The following SLC2A9 variants were observed in gnomAD, a reference collection of about 807,000 sequenced individuals.
The protein encoded by SLC2A9 is solute carrier family 2 member 9.
In SLC2A9, 39 loss-of-function variants were observed where a neutral mutation model predicts 50.6. The ratio of observed to expected loss-of-function variants is 0.77; its 90% CI spans 0.60 to 1.01. The LOEUF is 1.01. Ranked by LOEUF, SLC2A9 falls within the 50% of genes least tolerant of loss-of-function variation. The probability of loss-of-function intolerance (pLI) is 0.00; values close to 1 mark genes in which losing one functional copy is unlikely to be tolerated. For synonymous variants in SLC2A9, 324 were observed against 276.9 expected (o/e 1.17, Z -1.69); for missense variants, 686 against 677.6 (o/e 1.01, Z -0.14).
intron 8 of SLC2A9, among the ~76,000 whole-genome samples, chr4:9,900,769 C>T (rs965758343): frequency 1.1e-4 from 17 of 152,134 alleles, no homozygotes; most frequent in Admixed American, 9.8e-4. Flanking sequence ...CAAACTCATC[C>T]TTCTTCATGT....
At chr4:9,802,601 G>A (rs28528381) in intron 3 of SLC2A9, among the ~76,000 whole-genome samples, 17,749 of 133,776 alleles carry the variant, frequency 0.13, 1,140 homozygotes, top group Middle Eastern at 0.19. Context: ...CACTCTTGTC[G>A]CCCAGGCTGG....
rs573249071 is a variant in SLC2A9 at position 9,998,975 on chromosome 4, C to T, written c.250-2034G>A. On this transcript the variant is annotated intron_variant, in intron 2 of 11. Transcript: ENST00000264784. Reference sequence around the variant, plus strand: ...AATTTTTTGGAGAATTATATATAGACGGTAAAACTACAAAGAAAGAATTAT... The same window carrying T: ...AATTTTTTGGAGAATTATATATAGATGGTAAAACTACAAAGAAAGAATTAT... Among the ~76,000 whole-genome samples, 28 of 151,194 alleles carry T rather than the reference C, an allele frequency of 1.9e-4. No homozygotes were observed. The South Asian group carries it at 3.1e-3, about 17-fold the overall frequency.
chr4:10,027,562 C>T (rs1396558743), intron 1 of SLC2A9, among the ~76,000 whole-genome samples: 1 of 152,092 alleles, frequency 6.6e-6, no homozygotes, highest in Non-Finnish European at 1.5e-5. Flanking sequence ...CCGGCATCTT[C>T]AGTGAGGTTG....
intron 4 of SLC2A9, among the ~76,000 whole-genome samples, chr4:9,984,928 C>T (rs1467758344): frequency 6.6e-6 from 1 of 152,208 alleles, no homozygotes; most frequent in African/African-American, 2.4e-5. Flanking sequence ...CCCAGCTCCT[C>T]TTTGGCGTCA....
chr4:9,899,708 G>C (rs1216586533), intron 8 of SLC2A9, among the ~76,000 whole-genome samples: 1 of 152,176 alleles, frequency 6.6e-6, no homozygotes, highest in Non-Finnish European at 1.5e-5. Context: ...TGAGAGTTGT[G>C]TTTTAAATAA....
rs139352439 is a variant in SLC2A9 at position 9,888,047 on chromosome 4, A to G, written c.1216-405T>C. Among the ~76,000 whole-genome samples, 522 of 147,962 alleles carry G rather than the reference A, an allele frequency of 3.5e-3. 3 individuals carry two copies. Among genetic ancestry groups the G allele is most frequent in the African/African-American group, 0.012 (496 of 39,768 alleles). On this transcript the variant is annotated intron_variant, in intron 9 of 11. Transcript: ENST00000264784. The stretch of plus-strand genomic sequence containing the variant: ...AAACCAAACCCCACATGTCTCACTC[A>G]TAAGTGGGAGTTGAACAATGAGAAC...
intron 11 of SLC2A9, 57 bp downstream of exon 11, chr4:9,834,824 C>A (rs1038424530): frequency 1.2e-6 from 2 of 1,612,630 alleles, no homozygotes; most frequent in African/African-American, 2.7e-5. Flanking sequence ...AATCACCCCT[C>A]AAGTGCTGCA....
intron 3 of SLC2A9, among the ~76,000 whole-genome samples, chr4:9,788,616 G>A (rs1719518401): frequency 6.6e-6 from 1 of 152,062 alleles, no homozygotes; most frequent in Non-Finnish European, 1.5e-5. Flanking sequence ...TTAACACAAT[G>A]CTCAGTCTAG....
intron 3 of SLC2A9, among the ~76,000 whole-genome samples, chr4:9,818,930 G>T (rs1190018418): frequency 6.6e-6 from 1 of 151,816 alleles, no homozygotes; most frequent in Non-Finnish European, 1.5e-5. Context: ...AGACCATCCT[G>T]GCTAACACAG....
At chr4:9,926,661 T>C (rs1279399099) in intron 6 of SLC2A9, among the ~76,000 whole-genome samples, 1 of 152,032 alleles carries the variant, frequency 6.6e-6, no homozygotes, top group African/African-American at 2.4e-5. Flanking sequence ...GTGGGTTGAA[T>C]TGTGTCTTCA....
At chr4:9,816,806 C>T (rs1215360723) in intron 3 of SLC2A9, among the ~76,000 whole-genome samples, 2 of 149,780 alleles carry the variant, frequency 1.3e-5, no homozygotes, top group African/African-American at 2.5e-5. Context: ...TATTTCAACA[C>T]AAAAAGTTAA....
intron 2 of SLC2A9, among the ~76,000 whole-genome samples, chr4:10,002,996 G>A (rs1352220576): frequency 3.3e-5 from 5 of 152,210 alleles, no homozygotes; most frequent in East Asian, 1.9e-4. Context: ...ATTGCTAAGC[G>A]CAAGGATTAG....
chr4:9,778,010 A>C (rs1372940466), downstream of SLC2A9, among the ~76,000 whole-genome samples: 1 of 152,008 alleles, frequency 6.6e-6, no homozygotes, highest in African/African-American at 2.4e-5. Context: ...TCAAACTGAA[A>C]TGTTTTACTT....
intron 6 of SLC2A9, among the ~76,000 whole-genome samples, chr4:9,937,310 TG>T (rs1412938475): frequency 1.3e-5 from 2 of 152,188 alleles, no homozygotes. Context: ...CGCCCCTTTT[TG>T]GCCCTTGGGT....
At chr4:9,862,595 T>C (rs988500321) in intron 10 of SLC2A9, among the ~76,000 whole-genome samples, 1 of 152,176 alleles carries the variant, frequency 6.6e-6, no homozygotes, top group South Asian at 2.1e-4. Flanking sequence ...CAGCCTTTCC[T>C]GAGCCTTCCA....
chr4:9,927,066 G>A (rs1361298702), intron 6 of SLC2A9, among the ~76,000 whole-genome samples: 1 of 132,130 alleles, frequency 7.6e-6, no homozygotes, highest in Non-Finnish European at 1.6e-5. Context: ...TTCCGTTCTT[G>A]TTGCCCAGAC....
chr4:9,853,925 T>C (rs997876827), intron 10 of SLC2A9, among the ~76,000 whole-genome samples: 48 of 151,562 alleles, frequency 3.2e-4, no homozygotes, highest in African/African-American at 1.1e-3. Context: ...AAGGCAAAAA[T>C]AAAGAAATTG....
Position 10,029,537 on chromosome 4 carries a change from GA to G in SLC2A9, c.-40-3532del, listed in dbSNP as rs1402277995. Among the ~76,000 whole-genome samples the G allele has an allele frequency of 6.6e-3, 673 of 101,226 alleles. 6 individuals are homozygous for G. Among genetic ancestry groups the G allele is most frequent in the African/African-American group, 0.019 (617 of 32,848 alleles). The allele number at this position is 101,226 out of a possible 152,430, so 66.4% of individuals were successfully genotyped here. A position where few individuals can be genotyped will look rare whatever the true frequency, so the allele number is the denominator to read the frequency against. On this transcript the variant is annotated intron_variant, in intron 1 of 12. Transcript: ENST00000309065. The stretch of plus-strand genomic sequence containing the variant: ...AGCCAGGCTCCTTGTTGGACAAGAG[GA>G]ATTTTTTAAATATTTTATTTTATTT...
chr4:9,849,358 A>T (rs2109299982), intron 10 of SLC2A9, among the ~76,000 whole-genome samples: 1 of 152,342 alleles, frequency 6.6e-6, no homozygotes, highest in East Asian at 1.9e-4. Flanking sequence ...TTGTGAAAAG[A>T]AGTTCGTGCC....
Sources: allele counts gnomAD v4.1 joint callset (sites outside exome capture counted in the v4.1 genomes callset), GRCh38; gene constraint gnomAD v4.1.1; transcripts MANE v1.5; gene names NCBI Gene and HGNC (gene_info 2026-07-23, HGNC 2026-07-21).